Variants in ARHGAP20 observed in about 807,000 individuals in gnomAD.
The protein encoded by ARHGAP20 is rho GTPase-activating protein 20.
A neutral mutation model predicts 73.7 loss-of-function variants in ARHGAP20; 34 were observed. The observed-to-expected ratio is 0.46, with a 90% CI of 0.35 to 0.61. The LOEUF (loss-of-function observed/expected upper bound fraction) is 0.61, where lower values mean the gene tolerates loss of function less well. Ranked by LOEUF, ARHGAP20 falls within the 20% of genes least tolerant of loss-of-function variation. The pLI, the probability that ARHGAP20 is intolerant of heterozygous loss-of-function variation, is 0.00. For synonymous variants in ARHGAP20, 523 were observed against 518.2 expected, an observed-to-expected ratio of 1.01 and a Z score of -0.13; for missense variants, 1,314 against 1,420.9, an observed-to-expected ratio of 0.92 and a Z score of 1.21.
At chr11:110,710,166 T>C (rs922881966) in intron 1 of ARHGAP20, among the ~76,000 whole-genome samples, 11 of 152,238 alleles carry the variant, frequency 7.2e-5, no homozygotes, top group African/African-American at 2.4e-5. Flanking sequence ...TGCTAACATT[T>C]ATTAAATGTC....
rs367955100 is a variant in ARHGAP20, at chr11:110,582,455, C to T, written c.1606-20G>A. The stretch of plus-strand genomic sequence containing the variant: ...GGAAACCTGTAAGAAAAAGGACAAA[C>T]GAAGTATTACTTTTCATATTACATG... On this transcript the variant is annotated intron_variant, in intron 13 of 14. Transcript: ENST00000683387. 3.2e-5 allele frequency: 46 copies of T among 1,442,470 alleles called. No homozygotes were observed. Among genetic ancestry groups the T allele is most frequent in the South Asian group, 7.0e-5 (6 of 86,004 alleles). 89.4% of individuals were successfully genotyped at this position (1,442,470 alleles called of 1,614,324 possible).
chr11:110,668,179 G>A (rs985154704), intron 2 of ARHGAP20, among the ~76,000 whole-genome samples: 13 of 152,106 alleles, frequency 8.5e-5, no homozygotes, highest in Admixed American at 1.3e-4. Flanking sequence ...TTTCATTGTT[G>A]TCTTATTTCA....
At position 110,582,448 on chromosome 11, in the gene ARHGAP20, G is replaced by T; in HGVS notation, c.1606-13C>A. The T allele has an allele frequency of 1.3e-6, 2 of 1,506,398 alleles. No homozygotes were observed. The highest frequency in any genetic ancestry group is 1.8e-6 in the Non-Finnish European group (2 of 1,084,234). 93.3% of individuals were successfully genotyped at this position (1,506,398 alleles called of 1,614,324 possible). On this transcript the variant is annotated splice_polypyrimidine_tract_variant and intron_variant, in intron 13 of 14. Coordinates refer to ENST00000683387, the MANE Select transcript of ARHGAP20 (RefSeq NM_001384657.1). Reference sequence around the variant, plus strand: ...TAAGCAGGGAAACCTGTAAGAAAAAGGACAAACGAAGTATTACTTTTCATA... The same window carrying T: ...TAAGCAGGGAAACCTGTAAGAAAAATGACAAACGAAGTATTACTTTTCATA...
At position 110,580,891 on chromosome 11, in the gene ARHGAP20, G is replaced by C; in HGVS notation, c.2055C>G (p.Tyr685Ter). 6.2e-7 allele frequency: 1 copy of C among 1,613,052 alleles called. No individual in the cohort carries two copies. Among genetic ancestry groups the C allele is most frequent in the Non-Finnish European group, 8.5e-7 (1 of 1,179,018 alleles). Residue 685 changes from tyrosine to a stop codon, truncating the protein, a stop_gained, in exon 15 of 15, where the codon TAC (tyrosine) becomes TAG (stop). Coordinates refer to ENST00000683387, the MANE Select transcript of ARHGAP20 (RefSeq NM_001384657.1). LOFTEE classifies it low-confidence loss of function (END_TRUNC). ...RAPSAMCTPS[Y>*]LSTAAANAAK... ...CAGCATTTGCTGCAGCTGTGGACAG[G>C]TAGCTGGGTGTGCACATGGCAGATG... is the stretch of plus-strand genomic sequence containing the variant.
chr11:110,712,077 A>C (rs1002772326), intron 1 of ARHGAP20, 50 bp downstream of exon 1: 86 of 1,255,394 alleles, frequency 6.9e-5, no homozygotes, highest in African/African-American at 2.7e-4. Context: ...GCGCGCCGGC[A>C]GTGGGGGCTG....
At chr11:110,597,254 C>T (rs527917045) in intron 9 of ARHGAP20, among the ~76,000 whole-genome samples, 4 of 148,388 alleles carry the variant, frequency 2.7e-5, no homozygotes, top group South Asian at 4.2e-4. Flanking sequence ...CAAGCCTGCA[C>T]GTTGTGCACA....
intron 2 of ARHGAP20, among the ~76,000 whole-genome samples, chr11:110,684,646 CA>C (rs1950097372): frequency 6.6e-6 from 1 of 152,016 alleles, no homozygotes; most frequent in African/African-American, 2.4e-5. Flanking sequence ...TTTACAATAG[CA>C]AAATCATGGA....
Position 110,580,933 on chromosome 11 carries a change from C to T in ARHGAP20, c.2013G>A (p.Arg671=). The T allele has an allele frequency of 1.2e-6, 2 of 1,614,058 alleles. No homozygotes were observed. The highest frequency in any genetic ancestry group is 8.5e-7 in the Non-Finnish European group (1 of 1,179,914). ...NILVYTKIPL[R]DHARAPSAMC... is the part of the protein sequence containing the mutation. ...TGGCAGATGGGGCCCTGGCATGATC[C>T]CGCAGTGGGATCTTTGTGTACACTA... is the stretch of plus-strand genomic sequence containing the variant. The change falls in exon 15 of 15, where the codon CGG becomes CGA. Residue 671 remains arginine, a synonymous_variant. Transcript: ENST00000683387.
intron 6 of ARHGAP20, 42 bp downstream of exon 6, chr11:110,614,519 G>T: frequency 6.5e-7 from 1 of 1,536,498 alleles, no homozygotes; most frequent in Non-Finnish European, 9.0e-7. Flanking sequence ...TCTGTCTTAT[G>T]CAGGGACTTG....
chr11:110,626,397 C>A (rs1224957466), intron 3 of ARHGAP20, among the ~76,000 whole-genome samples: 1 of 152,214 alleles, frequency 6.6e-6, no homozygotes, highest in Non-Finnish European at 1.5e-5. Context: ...TAAACAATGA[C>A]TTCCATTCTC....
In ARHGAP20 at chr11:110,630,615, A is replaced by G. The variant is rs1334899094; in HGVS notation, c.353+13T>C. The G allele has an allele frequency of 1.9e-6, 3 of 1,611,438 alleles. No individual in the cohort carries two copies. Among genetic ancestry groups the G allele is most frequent in the Non-Finnish European group, 2.5e-6 (3 of 1,177,870 alleles). On this transcript the variant is annotated intron_variant, in intron 3 of 14. Coordinates refer to ENST00000683387, the MANE Select transcript of ARHGAP20 (RefSeq NM_001384657.1). The stretch of plus-strand genomic sequence containing the variant: ...ATTTTATAATGATAATCAGGAGTAT[A>G]TAGTATACATACTTGATTTTGGCCA...
At chr11:110,652,771 T>C (rs1282060164) in intron 2 of ARHGAP20, among the ~76,000 whole-genome samples, 1 of 152,040 alleles carries the variant, frequency 6.6e-6, no homozygotes, top group Non-Finnish European at 1.5e-5. Context: ...TCCATGCTCA[T>C]GGATAGGAAG....
Position 110,580,780 on chromosome 11 carries a change from A to T in ARHGAP20, c.2166T>A (p.Tyr722Ter). ...DSKLSYLREF[Y>*]QKKLRKSSCD... Reference sequence around the variant, plus strand: ...AGCTGGACTTGCGTAGCTTTTTCTGATAAAACTCCCTGAGGTAGGAAAGCT... The same window carrying T: ...AGCTGGACTTGCGTAGCTTTTTCTGTTAAAACTCCCTGAGGTAGGAAAGCT... Residue 722 changes from tyrosine to a stop codon, truncating the protein, a stop_gained, in exon 15 of 15, where the codon TAT becomes TAA. Coordinates refer to ENST00000683387, the MANE Select transcript of ARHGAP20 (RefSeq NM_001384657.1). LOFTEE classifies it low-confidence loss of function (END_TRUNC). 6.2e-7 allele frequency: 1 copy of T among 1,613,932 alleles called. No individual in the cohort carries two copies. The highest frequency in any genetic ancestry group is 8.5e-7 in the Non-Finnish European group (1 of 1,179,986).
intron 2 of ARHGAP20, among the ~76,000 whole-genome samples, chr11:110,652,992 G>A (rs552161370): frequency 3.3e-5 from 5 of 152,114 alleles, no homozygotes; most frequent in Non-Finnish European, 5.9e-5. Context: ...TTGATAAATG[G>A]TGCTGGGAGA....
At chr11:110,655,406 C>A (rs986573295) in intron 2 of ARHGAP20, among the ~76,000 whole-genome samples, 4 of 152,114 alleles carry the variant, frequency 2.6e-5, no homozygotes, top group African/African-American at 9.7e-5. Flanking sequence ...AGAGAGGAAG[C>A]ATGAGAGACC....
chr11:110,592,169 G>T lies in ARHGAP20; in HGVS notation c.965-14C>A. On this transcript the variant is annotated splice_polypyrimidine_tract_variant and intron_variant, in intron 9 of 14. Coordinates refer to ENST00000683387, the MANE Select transcript of ARHGAP20 (RefSeq NM_001384657.1). ...TATGACCTGAATCTAAGGAAGAAGT[G>T]AGCTTATTAGAAAAATGAGTTTCAT... 1 of 1,597,876 alleles carries T rather than the reference G, an allele frequency of 6.3e-7. No homozygotes were observed. Among genetic ancestry groups the T allele is most frequent in the Non-Finnish European group, 8.6e-7 (1 of 1,169,366 alleles).
At position 110,683,978 on chromosome 11, in the gene ARHGAP20, G is replaced by A. The variant is rs533560008; in HGVS notation, c.188+6569C>T. Among the ~76,000 whole-genome samples, 99 of 152,246 alleles carry A rather than the reference G, an allele frequency of 6.5e-4. 1 individual carries two copies. In the South Asian group the frequency reaches 8.5e-3, roughly 13 times the overall value. Reference sequence around the variant, plus strand: ...TACAAGGGAGCTGTTTGCCCCTTCCGTCATGTGAGGACACAGTAAGAGATG... The same window carrying A: ...TACAAGGGAGCTGTTTGCCCCTTCCATCATGTGAGGACACAGTAAGAGATG... On this transcript the variant is annotated intron_variant, in intron 2 of 14. Transcript: ENST00000683387.
chr11:110,664,516 C>T (rs901138419), intron 2 of ARHGAP20, among the ~76,000 whole-genome samples: 6 of 152,056 alleles, frequency 3.9e-5, no homozygotes. Context: ...ATCATGAGGT[C>T]AGGAGATGGA....
At chr11:110,690,650 A>T (rs532612566) in intron 1 of ARHGAP20, 21 bp from the exon 2 acceptor site, 1 of 1,607,262 alleles carries the variant, frequency 6.2e-7, no homozygotes, top group African/African-American at 1.3e-5. Flanking sequence ...AACAAACCAA[A>T]ATGAAGACCA....
Sources: allele counts gnomAD v4.1 joint callset (sites outside exome capture counted in the v4.1 genomes callset), GRCh38; gene constraint gnomAD v4.1.1; transcripts MANE v1.5; gene names NCBI Gene and HGNC (gene_info 2026-07-23, HGNC 2026-07-21).